Variants in PMFBP1 observed in about 807,000 individuals in gnomAD.
The protein encoded by PMFBP1 is polyamine-modulated factor 1-binding protein 1.
Under a neutral mutation model 137.8 loss-of-function variants are expected in PMFBP1, and 131 were observed. That is an observed-to-expected ratio of 0.95 (90% CI 0.82 to 1.10). PMFBP1 has a LOEUF of 1.10. Among genes scored for constraint, PMFBP1 ranks in the 50% least tolerant of loss-of-function variants. The pLI, the probability that PMFBP1 is intolerant of heterozygous loss-of-function variation, is 0.00. For synonymous variants in PMFBP1, 490 were observed against 450.4 expected (o/e 1.09, Z -1.11); for missense variants, 1,199 against 1,175.4 (o/e 1.02, Z -0.29).
In PMFBP1 at chr16:72,123,536, C is replaced by T. The variant is rs2042408149; in HGVS notation, c.2693+10G>A. Reference sequence around the variant, plus strand: ...TCGGACCCTGCCTCCCTTTTTCCTCCCATACTCACTTCTGCTGTTTTGCCC... The same window carrying T: ...TCGGACCCTGCCTCCCTTTTTCCTCTCATACTCACTTCTGCTGTTTTGCCC... On this transcript the variant is annotated intron_variant, in intron 18 of 20. Transcript: ENST00000237353. The T allele has an allele frequency of 1.2e-6, 2 of 1,612,944 alleles. No individual in the cohort carries two copies. The highest frequency in any genetic ancestry group is 1.1e-5 in the South Asian group (1 of 90,948).
the PMFBP1 span, among the ~76,000 whole-genome samples, chr16:72,190,797 G>A: frequency 2.0e-5 from 3 of 152,118 alleles, no homozygotes; most frequent in Non-Finnish European, 4.4e-5. Flanking sequence ...TTTCTTTCAG[G>A]CAGTGAAGCA....
rs2042891057 is a variant in PMFBP1, at chr16:72,150,781, C to CGAGAA, written c.462_463insTTCTC (p.Glu155PhefsTer22). 1 of 1,614,014 alleles carries CGAGAA rather than the reference C, an allele frequency of 6.2e-7. No individual in the cohort carries two copies. The highest frequency in any genetic ancestry group is 1.1e-5 in the South Asian group (1 of 91,084). ...TGCTCCTGCGCCAAATGGAGCTTCTCCCCTGTGTTCTCGTTGTGATTTCCC... is the reference window on the plus strand; with the variant it reads ...TGCTCCTGCGCCAAATGGAGCTTCTCGAGAACCCTGTGTTCTCGTTGTGATTTCCC... On this transcript the variant is annotated frameshift_variant, in exon 5 of 21. Transcript: ENST00000237353. LOFTEE classifies it high-confidence loss of function.
the PMFBP1 span, among the ~76,000 whole-genome samples, chr16:72,215,059 G>T: frequency 6.6e-6 from 1 of 152,030 alleles, no homozygotes; most frequent in East Asian, 1.9e-4. Flanking sequence ...GAGACCAAAG[G>T]AAATAATAAA....
At chr16:72,124,474 G>A (rs947507926) in intron 17 of PMFBP1, among the ~76,000 whole-genome samples, 6 of 152,232 alleles carry the variant, frequency 3.9e-5, no homozygotes, top group African/African-American at 1.4e-4. Flanking sequence ...AAAGTGTCAG[G>A]ATGTACTCTG....
At chr16:72,126,181 G>A (rs781160653) in intron 14 of PMFBP1, 49 bp from the exon 15 acceptor site, 13 of 1,594,148 alleles carry the variant, frequency 8.2e-6, no homozygotes, top group East Asian at 2.2e-5. Context: ...CAGGGTCATA[G>A]AGGCATTCTC....
At chr16:72,136,954 G>T in intron 7 of PMFBP1, 135 bp from the exon 8 acceptor site, 1 of 1,225,836 alleles carries the variant, frequency 8.2e-7, no homozygotes, top group Non-Finnish European at 1.1e-6. Flanking sequence ...GCCAGGGGAT[G>T]GGTGTGCGGA....
At chr16:72,225,088 A>G in the PMFBP1 span, 1 of 152,208 alleles carries the variant, frequency 6.6e-6, no homozygotes, top group African/African-American at 2.4e-5. Flanking sequence ...TGGTGGAGCT[A>G]AGGCGACCTC....
intron 14 of PMFBP1, chr16:72,128,439 C>G (rs2042494441): frequency 1.3e-6 from 2 of 1,503,788 alleles, no homozygotes; most frequent in South Asian, 2.5e-5. Flanking sequence ...GGGGCTCCAC[C>G]AGATATGAGA....
the PMFBP1 span, among the ~76,000 whole-genome samples, chr16:72,209,988 C>A: frequency 6.6e-6 from 1 of 152,210 alleles, no homozygotes; most frequent in Non-Finnish European, 1.5e-5. Flanking sequence ...TTGTTCCTTT[C>A]ACCCTATGGG....
chr16:72,139,977 T>C (rs2042691531), intron 6 of PMFBP1, among the ~76,000 whole-genome samples: 1 of 152,208 alleles, frequency 6.6e-6, no homozygotes, highest in South Asian at 2.1e-4. Context: ...TATATATTAG[T>C]ATTATCATTA....
chr16:72,128,521 G>A (rs1354857391), intron 14 of PMFBP1, 136 bp downstream of exon 14: 2 of 1,566,610 alleles, frequency 1.3e-6, no homozygotes, highest in South Asian at 2.3e-5. Context: ...GGGAAGTAGA[G>A]CTGTAGGTGG....
At chr16:72,176,596 T>A (rs986467743), upstream of PMFBP1, among the ~76,000 whole-genome samples, 1 of 152,208 alleles carries the variant, frequency 6.6e-6, no homozygotes, top group Admixed American at 6.5e-5. Flanking sequence ...TGGCTTGTAA[T>A]GCTGACTTAA....
At chr16:72,246,080 G>A in the PMFBP1 span, among the ~76,000 whole-genome samples, 5 of 152,178 alleles carry the variant, frequency 3.3e-5, no homozygotes, top group Non-Finnish European at 5.9e-5. Context: ...TGCATTATGC[G>A]CACTGGGGAG....
In PMFBP1 at chr16:72,158,254, G is replaced by A. The variant is rs138591514; in HGVS notation, c.166-3795C>T. 1.1e-3 allele frequency among the ~76,000 whole-genome samples: 167 copies of A among 152,290 alleles called. 4 individuals carry two copies. In the East Asian group the frequency reaches 0.025, roughly 23 times the overall value. The stretch of plus-strand genomic sequence containing the variant: ...CAAAAGAAATCCTAGGCAAAGACAC[G>A]CCAGTGTATGTGGCTGGAGGAAAGT... On this transcript the variant is annotated intron_variant, in intron 3 of 20. Coordinates refer to ENST00000237353, the MANE Select transcript of PMFBP1 (RefSeq NM_031293.3).
At chr16:72,194,287 T>C in the PMFBP1 span, among the ~76,000 whole-genome samples, 1 of 152,248 alleles carries the variant, frequency 6.6e-6, no homozygotes, top group Non-Finnish European at 1.5e-5. Context: ...TCATTCTGCT[T>C]TCTCTGCAGC....
rs2042637168 is a variant in PMFBP1, at chr16:72,136,683, C to T, written c.1045+10G>A. On this transcript the variant is annotated intron_variant, in intron 8 of 20. Coordinates refer to ENST00000237353, the MANE Select transcript of PMFBP1 (RefSeq NM_031293.3). The stretch of plus-strand genomic sequence containing the variant: ...TGGCTCCCCTGCCACAGCCTGCAGC[C>T]CCAGTTTACCCTTCATGATGTTTCT... The T allele has an allele frequency of 6.2e-7, 1 of 1,614,022 alleles. No homozygotes were observed. The highest frequency in any genetic ancestry group is 1.1e-5 in the South Asian group (1 of 91,070).
chr16:72,130,781 A>G, intron 10 of PMFBP1, 59 bp from the exon 11 acceptor site: 1 of 1,478,122 alleles, frequency 6.8e-7, no homozygotes, highest in African/African-American at 1.4e-5. Flanking sequence ...TCACACTCTT[A>G]TCAGCCTGGC....
upstream of PMFBP1, among the ~76,000 whole-genome samples, chr16:72,172,648 T>A (rs2043232817): frequency 6.6e-6 from 1 of 151,912 alleles, no homozygotes; most frequent in Non-Finnish European, 1.5e-5. Flanking sequence ...GGGTTTGGTT[T>A]CTGACCACCA....
rs1235995156 is a variant in PMFBP1 at position 72,130,132 on chromosome 16, G to A, written c.1782+81C>T. ...GGCCTCGCAAAGAGCTGAGATTACA[G>A]GTGTGAGCCACTGCTCCTAGTCTGT... On this transcript the variant is annotated intron_variant, in intron 12 of 20. Coordinates refer to ENST00000237353, the MANE Select transcript of PMFBP1 (RefSeq NM_031293.3). The A allele has an allele frequency of 1.9e-6, 3 of 1,564,758 alleles. No homozygotes were observed. The Admixed American group carries it at 5.1e-5, about 26-fold the overall frequency.
Sources: allele counts gnomAD v4.1 joint callset (sites outside exome capture counted in the v4.1 genomes callset), GRCh38; gene constraint gnomAD v4.1.1; transcripts MANE v1.5; gene names NCBI Gene and HGNC (gene_info 2026-07-23, HGNC 2026-07-21).